BLVRB: variants seen among roughly 807,000 people sequenced by gnomAD.
BLVRB encodes the protein biliverdin reductase B.
BLVRB carries 25 observed loss-of-function variants against 21.1 expected under a neutral mutation model. That is an observed-to-expected ratio of 1.19 (90% CI 0.86 to 1.66). BLVRB has a LOEUF of 1.66. Among genes scored for constraint, BLVRB ranks in the 40% most tolerant of loss-of-function variants. The probability of loss-of-function intolerance (pLI) is 0.00; values close to 1 mark genes in which losing one functional copy is unlikely to be tolerated. For synonymous variants in BLVRB, 128 were observed against 122.2 expected, an observed-to-expected ratio of 1.05 and a Z score of -0.31; for missense variants, 274 against 282.7, an observed-to-expected ratio of 0.97 and a Z score of 0.22.
intron 1 of BLVRB, among the ~76,000 whole-genome samples, chr19:40,459,864 C>A (rs2079779078): frequency 6.6e-6 from 1 of 152,184 alleles, no homozygotes; most frequent in African/African-American, 2.4e-5. Context: ...AGCCACTGTA[C>A]CCAGCCAGCA....
chr19:40,452,162 C>G (rs1321935967), intron 3 of BLVRB, among the ~76,000 whole-genome samples: 2 of 152,124 alleles, frequency 1.3e-5, no homozygotes, highest in African/African-American at 4.8e-5. Flanking sequence ...CCATGGCCAG[C>G]CCTCAAGGCC....
chr19:40,460,276 T>TATATATATATATATATATATATATATATA (rs1479336698), intron 1 of BLVRB, among the ~76,000 whole-genome samples: 13 of 99,872 alleles, frequency 1.3e-4, no homozygotes, highest in African/African-American at 3.3e-4. Context: ...ATATATATAT[T>TATATATATATATATATATATATATATATA]TAGAGACAGG....
chr19:40,448,071 T>A, intron 4 of BLVRB, 25 bp from the exon 5 acceptor site: 1 of 1,597,036 alleles, frequency 6.3e-7, no homozygotes, highest in South Asian at 1.1e-5. Context: ...CAAGAGGGGC[T>A]GGATAAAGCA....
rs1388661087 is a variant in BLVRB at position 40,460,972 on chromosome 19, CA to C, written c.80-2428del. ...GGGCAACAAGAGCGAAACTCCGTCT[CA>C]AACAAAACAAAACAAAACAAAACAA... is the stretch of plus-strand genomic sequence containing the variant. On this transcript the variant is annotated intron_variant, in intron 1 of 4. Coordinates refer to ENST00000263368, the MANE Select transcript of BLVRB (RefSeq NM_000713.3). Among the ~76,000 whole-genome samples the C allele has an allele frequency of 8.6e-5, 13 of 151,576 alleles. No homozygotes were observed. The Middle Eastern group carries it at 0.01, about 119-fold the overall frequency.
intron 3 of BLVRB, among the ~76,000 whole-genome samples, chr19:40,454,508 T>C (rs1198140480): frequency 2.0e-5 from 3 of 151,856 alleles, no homozygotes; most frequent in Non-Finnish European, 4.4e-5. Context: ...AGTCTCCAGT[T>C]CACAATCTCA....
Position 40,465,394 on chromosome 19 carries a change from CG to C in BLVRB, c.79+215del, listed in dbSNP as rs544856584. Among the ~76,000 whole-genome samples the C allele has an allele frequency of 1.4e-3, 212 of 152,358 alleles. 1 individual carries two copies. Among genetic ancestry groups the C allele is most frequent in the Non-Finnish European group, 2.7e-3 (182 of 68,034 alleles). Reference sequence around the variant, plus strand: ...GCCAGTGGAGTCCTCCCGGGGCTCCCGGGGCCAATTCCTCTCTGGCTTGGAC... The same window carrying C: ...GCCAGTGGAGTCCTCCCGGGGCTCCCGGGCCAATTCCTCTCTGGCTTGGAC... On this transcript the variant is annotated intron_variant, in intron 1 of 4. Coordinates refer to ENST00000263368, the MANE Select transcript of BLVRB (RefSeq NM_000713.3).
intron 1 of BLVRB, among the ~76,000 whole-genome samples, chr19:40,462,381 C>A (rs550041593): frequency 1.3e-5 from 2 of 151,204 alleles, no homozygotes; most frequent in Non-Finnish European, 2.9e-5. Flanking sequence ...CAGGTTCAAG[C>A]GATTCTCCCA....
intron 4 of BLVRB, chr19:40,450,476 C>T (rs1265285087): frequency 6.7e-6 from 1 of 150,226 alleles, no homozygotes; most frequent in Non-Finnish European, 1.5e-5. Flanking sequence ...GATCTGCCCG[C>T]CTCGGCCTCT....
intron 3 of BLVRB, among the ~76,000 whole-genome samples, chr19:40,454,459 C>T (rs1332504228): frequency 1.3e-5 from 2 of 151,890 alleles, no homozygotes; most frequent in African/African-American, 4.8e-5. Context: ...GAGAAAACTG[C>T]GGTGCAGAGT....
At chr19:40,462,104 A>G (rs903409401) in intron 1 of BLVRB, among the ~76,000 whole-genome samples, 1 of 152,112 alleles carries the variant, frequency 6.6e-6, no homozygotes, top group African/African-American at 2.4e-5. Context: ...CAGCTGAGGA[A>G]CCTCATGCAA....
intron 3 of BLVRB, among the ~76,000 whole-genome samples, chr19:40,452,890 C>CA (rs897817837): frequency 1.4e-4 from 13 of 93,400 alleles, no homozygotes; most frequent in African/African-American, 5.5e-4. Flanking sequence ...CAAAACAAAA[C>CA]AAAACAAAAA....
Position 40,448,608 on chromosome 19 carries a change from AATATATATAT to A in BLVRB, c.464-572_464-563del, listed in dbSNP as rs55783717. On this transcript the variant is annotated intron_variant, in intron 4 of 4. Transcript: ENST00000263368. ...CTTGTCTCTAACAACAACAACAACAAATATATATATATATATATATATATATATATATATA... is the reference window on the plus strand; with the variant it reads ...CTTGTCTCTAACAACAACAACAACAAATATATATATATATATATATATATA... 2.9e-3 allele frequency among the ~76,000 whole-genome samples: 368 copies of A among 126,366 alleles called. 3 individuals are homozygous for A. Among genetic ancestry groups the A allele is most frequent in the African/African-American group, 7.7e-3 (273 of 35,276 alleles). 82.9% of individuals were successfully genotyped at this position (126,366 alleles called of 152,430 possible). A position where few individuals can be genotyped will look rare whatever the true frequency, so the allele number is the denominator to read the frequency against.
At chr19:40,456,603 G>C (rs2079763154) in intron 3 of BLVRB, among the ~76,000 whole-genome samples, 1 of 152,116 alleles carries the variant, frequency 6.6e-6, no homozygotes. Context: ...AGACATGGGA[G>C]AGTCTGGACG....
chr19:40,460,740 A>G (rs1158608688), intron 1 of BLVRB, among the ~76,000 whole-genome samples: 1 of 152,226 alleles, frequency 6.6e-6, no homozygotes, highest in East Asian at 1.9e-4. Context: ...TGGGAGGCCA[A>G]GGCAGGTGGA....
intron 1 of BLVRB, among the ~76,000 whole-genome samples, chr19:40,462,279 C>CTTT (rs1555806553): frequency 1.5e-5 from 2 of 129,632 alleles, no homozygotes; most frequent in African/African-American, 2.9e-5. Flanking sequence ...TATGGGCATT[C>CTTT]TTTTTTTTTT....
intron 1 of BLVRB, among the ~76,000 whole-genome samples, chr19:40,463,221 T>C (rs2079795945): frequency 6.6e-6 from 1 of 152,160 alleles, no homozygotes; most frequent in African/African-American, 2.4e-5. Context: ...ACACAGCTAG[T>C]AGGTAGAGAA....
Position 40,465,612 on chromosome 19 carries a change from G to A in BLVRB, c.77C>T (p.Ala26Val), listed in dbSNP as rs1308690650. ...GCCCCGCCCGCCCCGGCTCATGCCTGCTTGCACCGCCTGCGCCAGGGTGGT... is the reference window on the plus strand; with the variant it reads ...GCCCCGCCCGCCCCGGCTCATGCCTACTTGCACCGCCTGCGCCAGGGTGGT... ...GLTTLAQAVQ[A>V]GYEVTVLVRD... Residue 26 changes from alanine (A) to valine (V), a missense_variant and splice_region_variant, in exon 1 of 5, where the codon GCA becomes GTA. Coordinates refer to ENST00000263368, the MANE Select transcript of BLVRB (RefSeq NM_000713.3). The A allele has an allele frequency of 1.9e-6, 3 of 1,611,612 alleles. No homozygotes were observed. Among genetic ancestry groups the A allele is most frequent in the Admixed American group, 1.7e-5 (1 of 59,902 alleles).
chr19:40,455,730 GT>G (rs1347222996), intron 3 of BLVRB, among the ~76,000 whole-genome samples: 2 of 152,080 alleles, frequency 1.3e-5, no homozygotes, highest in African/African-American at 2.4e-5. Flanking sequence ...AACCCAAATA[GT>G]TTAGGAGAAC....
Position 40,458,428 on chromosome 19 carries a change from G to T in BLVRB, c.197C>A (p.Ala66Asp). Residue 66 changes from alanine (A) to aspartate (D), a missense_variant, in exon 2 of 5, where the codon GCT becomes GAT. Coordinates refer to ENST00000263368, the MANE Select transcript of BLVRB (RefSeq NM_000713.3). Reference sequence around the variant, plus strand: ...CAGCACGATGACAGCGTCCTGCCCAGCCACGGTCTTGTCCACATCGGCTGC... The same window carrying T: ...CAGCACGATGACAGCGTCCTGCCCATCCACGGTCTTGTCCACATCGGCTGC... ...LQAADVDKTVAGQDAVIVLLG... is the reference protein window; with the variant it reads ...LQAADVDKTVDGQDAVIVLLG... 1.3e-6 allele frequency: 2 copies of T among 1,595,070 alleles called. No individual in the cohort carries two copies.
Sources: allele counts gnomAD v4.1 joint callset (sites outside exome capture counted in the v4.1 genomes callset), GRCh38; gene constraint gnomAD v4.1.1; transcripts MANE v1.5; gene names NCBI Gene and HGNC (gene_info 2026-07-23, HGNC 2026-07-21).